The following EYS variants were observed in gnomAD, a reference collection of about 807,000 sequenced individuals.
The protein encoded by EYS is protein eyes shut homolog.
In EYS, 250 loss-of-function variants were observed where a neutral mutation model predicts 282.1. That is an observed-to-expected ratio of 0.89 (90% CI 0.80 to 0.98). The LOEUF (loss-of-function observed/expected upper bound fraction) is 0.98, where lower values mean the gene tolerates loss of function less well. EYS is among the 50% of genes least tolerant of loss of function. EYS has a pLI of 0.00. For synonymous variants in EYS, 1,355 were observed against 1,282.9 expected (o/e 1.06, Z -1.20); for missense variants, 4,016 against 3,709.0 (o/e 1.08, Z -2.15).
intron 26 of EYS, among the ~76,000 whole-genome samples, chr6:64,461,727 C>T (rs1775756917): frequency 6.6e-6 from 1 of 152,000 alleles, no homozygotes; most frequent in Non-Finnish European, 1.5e-5. Context: ...CTCAGAAGAC[C>T]TAGTTTGAAT....
At chr6:64,193,790 G>T (rs539227614) in intron 31 of EYS, among the ~76,000 whole-genome samples, 2 of 152,118 alleles carry the variant, frequency 1.3e-5, no homozygotes, top group East Asian at 3.9e-4. Flanking sequence ...TCAGAATGGT[G>T]GTTTCCAGCT....
rs747911999 is a variant in EYS at position 64,590,290 on chromosome 6, G to A, written c.5577C>T (p.Pro1859=). ...QEFPTASRHL[P]FTRSLTLSSL... is the part of the protein sequence containing the mutation. ...AAGACAAAGTAAGAGATCTAGTGAA[G>A]GGAAGATGCCGGCTTGCAGTGGGAA... The change falls in exon 26 of 43, where the codon CCC becomes CCT. Residue 1859 remains proline (P), a synonymous_variant. Coordinates refer to ENST00000503581, the MANE Select transcript of EYS (RefSeq NM_001142800.2). 564 of 1,551,014 alleles carry A rather than the reference G, an allele frequency of 3.6e-4. No homozygotes were observed. Among genetic ancestry groups the A allele is most frequent in the Admixed American group, 7.3e-4 (37 of 50,940 alleles).
At chr6:65,448,790 G>A (rs973621124) in intron 5 of EYS, among the ~76,000 whole-genome samples, 4 of 151,778 alleles carry the variant, frequency 2.6e-5, no homozygotes, top group African/African-American at 9.7e-5. Flanking sequence ...ATTTTATTAT[G>A]AAAACAAAAA....
At chr6:64,458,332 C>A (rs1391523109) in intron 26 of EYS, among the ~76,000 whole-genome samples, 1 of 152,022 alleles carries the variant, frequency 6.6e-6, no homozygotes, top group Admixed American at 6.6e-5. Context: ...GAAGAACTAT[C>A]TTTAGCATTT....
At chr6:63,729,852 C>G (rs1212398649) in intron 41 of EYS, among the ~76,000 whole-genome samples, 1 of 152,136 alleles carries the variant, frequency 6.6e-6, no homozygotes, top group Non-Finnish European at 1.5e-5. Context: ...TTAGTGACCT[C>G]TCATCTAATT....
intron 2 of EYS, among the ~76,000 whole-genome samples, chr6:65,631,850 A>T (rs981574307): frequency 4.6e-4 from 70 of 152,278 alleles, no homozygotes; most frequent in African/African-American, 1.7e-3. Context: ...TAGAGTTCCC[A>T]AGCATAAAAG....
At chr6:65,460,707 T>C (rs564207858) in intron 5 of EYS, among the ~76,000 whole-genome samples, 35 of 152,252 alleles carry the variant, frequency 2.3e-4, no homozygotes, top group Admixed American at 6.6e-5. Flanking sequence ...AGTGGTGTTT[T>C]GGCCTGAACA....
Position 63,735,609 on chromosome 6 carries a change from G to A in EYS, c.8072-8929C>T, listed in dbSNP as rs138724733. Among the ~76,000 whole-genome samples the A allele has an allele frequency of 3.5e-3, 539 of 151,932 alleles. 4 individuals carry two copies. The highest frequency in any genetic ancestry group is 0.012 in the African/African-American group (503 of 41,446). The stretch of plus-strand genomic sequence containing the variant: ...CTAAACATTCTAGTCAATGTTTCCC[G>A]TAAACAAGGATATTTTCCTATATAA... On this transcript the variant is annotated intron_variant, in intron 41 of 42. Transcript: ENST00000503581.
intron 12 of EYS, among the ~76,000 whole-genome samples, chr6:65,180,604 T>C (rs1251129504): frequency 1.3e-5 from 2 of 152,052 alleles, no homozygotes; most frequent in African/African-American, 4.8e-5. Context: ...GTAGGAAGAA[T>C]CAATATCGTG....
At chr6:64,643,931 GAGTGGACTA>G (rs1349091641) in intron 22 of EYS, among the ~76,000 whole-genome samples, 3 of 152,192 alleles carry the variant, frequency 2.0e-5, no homozygotes, top group African/African-American at 7.2e-5. Flanking sequence ...AGCAGCGTGA[GAGTGGACTA>G]ACACATTCTG....
chr6:65,067,800 AT>A (rs1388520277), intron 12 of EYS, among the ~76,000 whole-genome samples: 1 of 152,048 alleles, frequency 6.6e-6, no homozygotes, highest in Non-Finnish European at 1.5e-5. Context: ...TTTAAAAAAT[AT>A]TTTGTTTCCT....
At chr6:64,498,983 A>G (rs1038931846) in intron 26 of EYS, among the ~76,000 whole-genome samples, 4 of 152,098 alleles carry the variant, frequency 2.6e-5, no homozygotes, top group Admixed American at 6.6e-5. Flanking sequence ...ACCCAGTAAT[A>G]AGATTGTTGG....
intron 22 of EYS, among the ~76,000 whole-genome samples, chr6:64,716,686 A>G (rs1258612324): frequency 6.6e-6 from 1 of 152,220 alleles, no homozygotes; most frequent in Non-Finnish European, 1.5e-5. Flanking sequence ...TGCAGTTAGC[A>G]ACTAAGAATG....
At chr6:63,741,666 C>T (rs1769079145) in intron 41 of EYS, among the ~76,000 whole-genome samples, 1 of 152,170 alleles carries the variant, frequency 6.6e-6, no homozygotes, top group African/African-American at 2.4e-5. Flanking sequence ...TGAGATCTTT[C>T]ATTCTCATCC....
At chr6:65,585,396 C>T (rs1765011296) in intron 2 of EYS, among the ~76,000 whole-genome samples, 1 of 151,802 alleles carries the variant, frequency 6.6e-6, no homozygotes, top group Non-Finnish European at 1.5e-5. Flanking sequence ...GAATTTAAGA[C>T]TTGCTTCAAT....
intron 2 of EYS, among the ~76,000 whole-genome samples, chr6:65,496,900 A>G (rs1179516765): frequency 2.0e-5 from 3 of 152,014 alleles, no homozygotes; most frequent in African/African-American, 7.2e-5. Context: ...TAACATTTTA[A>G]TGGGTATTTT....
intron 29 of EYS, among the ~76,000 whole-genome samples, chr6:64,329,529 T>C (rs1401697428): frequency 6.6e-6 from 1 of 151,982 alleles, no homozygotes; most frequent in Admixed American, 6.6e-5. Context: ...TAAGGAATTA[T>C]TTCTCAAGCT....
At chr6:63,894,176 A>G (rs1169687812) in intron 35 of EYS, among the ~76,000 whole-genome samples, 2 of 152,204 alleles carry the variant, frequency 1.3e-5, no homozygotes, top group Admixed American at 6.5e-5. Context: ...TCTAGACAAG[A>G]TTGAATATTA....
At chr6:65,102,146 T>A (rs114607778) in intron 12 of EYS, among the ~76,000 whole-genome samples, 4 of 151,362 alleles carry the variant, frequency 2.6e-5, no homozygotes, top group Non-Finnish European at 5.9e-5. Context: ...CTTTGAAACA[T>A]AGCAGTACAA....
Sources: allele counts gnomAD v4.1 joint callset (sites outside exome capture counted in the v4.1 genomes callset), GRCh38; gene constraint gnomAD v4.1.1; transcripts MANE v1.5; gene names NCBI Gene and HGNC (gene_info 2026-07-23, HGNC 2026-07-21).